Variants in JCAD observed in about 807,000 individuals in gnomAD.
JCAD encodes the protein junctional cadherin 5 associated, also known as junctional cadherin 5-associated protein.
In JCAD, 40 loss-of-function variants were observed where a neutral mutation model predicts 98.0. The ratio of observed to expected loss-of-function variants is 0.41; its 90% confidence interval spans 0.32 to 0.53. The LOEUF is 0.53. Ranked by LOEUF, JCAD falls within the 20% of genes least tolerant of loss-of-function variation. The pLI is 0.31. For synonymous variants in JCAD, 691 were observed against 682.3 expected, an observed-to-expected ratio of 1.01 and a Z score of -0.20; for missense variants, 1,705 against 1,738.1, an observed-to-expected ratio of 0.98 and a Z score of 0.34.
chr10:30,022,317 C>T (rs1359001680), intron 3 of JCAD, among the ~76,000 whole-genome samples: 2 of 152,088 alleles, frequency 1.3e-5, no homozygotes, highest in Non-Finnish European at 1.5e-5. Context: ...AGAACAGATG[C>T]TTGAATTTAA....
At chr10:30,069,606 C>G (rs1490145258) in intron 2 of JCAD, 1 of 129,640 alleles carries the variant, frequency 7.7e-6, no homozygotes, top group South Asian at 2.6e-4. Flanking sequence ...CAACAACCCC[C>G]CCCCCCAAAA....
At chr10:30,090,969 C>T (rs1838252562) in intron 1 of JCAD, among the ~76,000 whole-genome samples, 1 of 152,186 alleles carries the variant, frequency 6.6e-6, no homozygotes, top group African/African-American at 2.4e-5. Flanking sequence ...CTGGGCCAAG[C>T]TCATTAATCT....
intron 1 of JCAD, among the ~76,000 whole-genome samples, chr10:30,053,559 C>CAAA (rs374863516): frequency 3.9e-5 from 5 of 126,776 alleles, no homozygotes; most frequent in South Asian, 5.6e-4. Flanking sequence ...TACTCTGTCT[C>CAAA]AAAAAAAAAA....
At chr10:30,084,781 GTATCTATCTATCTATCTATC>G (rs61201965) in intron 1 of JCAD, among the ~76,000 whole-genome samples, 19 of 146,874 alleles carry the variant, frequency 1.3e-4, no homozygotes, top group Admixed American at 1.0e-3. Flanking sequence ...AATCAAATCT[GTATCTATCTATCTATCTATC>G]TATCTATCTA....
chr10:30,111,668 A>G lies in JCAD; in HGVS notation n.128+3699T>C, dbSNP rs929582325. On this transcript the variant is annotated intron_variant and non_coding_transcript_variant, in intron 1 of 2. Transcript: ENST00000465712. ...AAATAAAGCCAGATAAAGGAAATAC[A>G]AAGTGAATGACTGGACAAATGGCCA... Among the ~76,000 whole-genome samples, 15 of 152,354 alleles carry G rather than the reference A, an allele frequency of 9.8e-5. 2 individuals are homozygous for G. The South Asian group carries it at 1.9e-3, about 19-fold the overall frequency.
At chr10:30,060,443 A>T (rs972921759), upstream of JCAD, among the ~76,000 whole-genome samples, 1 of 152,208 alleles carries the variant, frequency 6.6e-6, no homozygotes, top group African/African-American at 2.4e-5. Flanking sequence ...GGGCAGAAAG[A>T]TTAGACTGCT....
intron 1 of JCAD, among the ~76,000 whole-genome samples, chr10:30,079,272 G>C (rs373798364): frequency 1.9e-4 from 29 of 151,400 alleles, no homozygotes; most frequent in African/African-American, 6.8e-4. Flanking sequence ...GCGTGAATCC[G>C]GGAAGCGGAG....
At chr10:30,101,232 C>A (rs986670441) in intron 1 of JCAD, among the ~76,000 whole-genome samples, 1 of 152,144 alleles carries the variant, frequency 6.6e-6, no homozygotes, top group African/African-American at 2.4e-5. Context: ...TATGGCAAAA[C>A]CCTGTCTCTA....
At position 30,026,113 on chromosome 10, in the gene JCAD, GA is replaced by G; in HGVS notation, c.4034del (p.Phe1345SerfsTer33). ...AQKEKSMDQD[F>X]WCPDSYDPSR... ...TGCCTGATTCCTCACCTGGGCACCA[GA>G]AGTCTTGATCCATGCTCTTCTCCTT... On this transcript the variant is annotated frameshift_variant, in exon 3 of 4. Transcript: ENST00000375377. LOFTEE classifies it high-confidence loss of function. 6.2e-7 allele frequency: 1 copy of G among 1,614,172 alleles called. No individual in the cohort carries two copies. The highest frequency in any genetic ancestry group is 8.5e-7 in the Non-Finnish European group (1 of 1,180,040).
At chr10:30,062,069 A>C (rs1267538708), upstream of JCAD, among the ~76,000 whole-genome samples, 1 of 152,230 alleles carries the variant, frequency 6.6e-6, no homozygotes, top group Non-Finnish European at 1.5e-5. Flanking sequence ...GTAGAGTTGC[A>C]AAACAACAGA....
intron 2 of JCAD, among the ~76,000 whole-genome samples, chr10:30,037,923 A>G (rs1837149599): frequency 7.3e-6 from 1 of 137,440 alleles, no homozygotes; most frequent in Non-Finnish European, 1.5e-5. Context: ...ATGAACTCAG[A>G]ATGGAAAAAT....
intron 2 of JCAD, among the ~76,000 whole-genome samples, chr10:30,039,220 ATCCT>A (rs1837189322): frequency 6.6e-6 from 1 of 152,236 alleles, no homozygotes; most frequent in African/African-American, 2.4e-5. Flanking sequence ...ATCAATGATC[ATCCT>A]GGGAGCATCC....
At position 30,028,671 on chromosome 10, in the gene JCAD, C is replaced by G. The variant is rs1317610325; in HGVS notation, c.1477G>C (p.Ala493Pro). The change falls in exon 3 of 4, where the codon GCC (alanine) becomes CCC (proline). Residue 493 changes from alanine to proline, a missense_variant. Physicochemically the swap from Ala to Pro is conservative, Grantham distance 27 (BLOSUM62 -1). This residue lies in a region of JCAD where 1,278 missense variants were observed against 1,243.1 expected (regional missense o/e 1.03). Transcript: ENST00000375377. ...CACAGCCACCGGGGGCTGGAATCGG[C>G]CAAGACCAGGCCTCTCTCATCCCCC... ...PSGDERGLVL[A>P]DSSPRWLWGQ... The G allele has an allele frequency of 2.5e-6, 4 of 1,605,822 alleles. No homozygotes were observed. The highest frequency in any genetic ancestry group is 3.4e-6 in the Non-Finnish European group (4 of 1,175,976).
rs79582222 is a variant in JCAD at position 30,043,329 on chromosome 10, G to GA, written c.281+4202dup. 6.4e-4 allele frequency among the ~76,000 whole-genome samples: 95 copies of GA among 147,856 alleles called. 1 individual carries two copies. The East Asian group carries it at 0.014, about 22-fold the overall frequency. ...GTCCCTCGAGTAAGAAAGGGAAAAAGAAAAAAAAAAGTAAAAAAATTTTAC... is the reference window on the plus strand; with the variant it reads ...GTCCCTCGAGTAAGAAAGGGAAAAAGAAAAAAAAAAAGTAAAAAAATTTTAC... On this transcript the variant is annotated intron_variant, in intron 2 of 3. Coordinates refer to ENST00000375377, the MANE Select transcript of JCAD (RefSeq NM_020848.4).
At chr10:30,019,550 T>TAA (rs1564437794) in intron 3 of JCAD, among the ~76,000 whole-genome samples, 39 of 42,554 alleles carry the variant, frequency 9.2e-4, no homozygotes, top group African/African-American at 3.4e-3. Context: ...GTGGAATCAT[T>TAA]TAAAAAAAAA....
intron 1 of JCAD, among the ~76,000 whole-genome samples, chr10:30,052,817 G>A (rs1427409066): frequency 6.6e-6 from 1 of 152,102 alleles, no homozygotes; most frequent in East Asian, 1.9e-4. Flanking sequence ...ATCACTAAAG[G>A]TTAGGACTGG....
At chr10:30,092,049 AAAAAAAAAAAAAAAAAT>A (rs1264573111) in intron 1 of JCAD, among the ~76,000 whole-genome samples, 1,186 of 27,364 alleles carry the variant, frequency 0.043, 6 homozygotes, top group Non-Finnish European at 0.06. Flanking sequence ...AAAAAAAAAA[AAAAAAAAAAAAAAAAAT>A]ATATATATAT....
rs112357903 is a variant in JCAD, at chr10:30,023,734, TA to T, written c.4045+2368del. Among the ~76,000 whole-genome samples, 76 of 148,834 alleles carry T rather than the reference TA, an allele frequency of 5.1e-4. No homozygotes were observed. The East Asian group carries it at 8.6e-3, about 17-fold the overall frequency. On this transcript the variant is annotated intron_variant, in intron 3 of 3. Transcript: ENST00000375377. ...TTTTCTGCTTGTTAGTAGCAGTGGT[TA>T]AAAAAAAAACCCAAAAACGTCATGA...
chr10:30,085,554 A>T (rs1029242442), intron 1 of JCAD, among the ~76,000 whole-genome samples: 1 of 152,178 alleles, frequency 6.6e-6, no homozygotes, highest in African/African-American at 2.4e-5. Flanking sequence ...AGATGCCCTT[A>T]CGTGATGGGA....
Sources: allele counts gnomAD v4.1 joint callset (sites outside exome capture counted in the v4.1 genomes callset), GRCh38; gene constraint gnomAD v4.1.1; regional missense constraint gnomAD v4.1.1; transcripts MANE v1.5; gene names NCBI Gene and HGNC (gene_info 2026-07-23, HGNC 2026-07-21).